Variants in LGR5 observed in about 807,000 individuals in gnomAD.
LGR5 encodes the protein leucine-rich repeat-containing G protein-coupled receptor 5.
In LGR5, 54 loss-of-function variants were observed where a neutral mutation model predicts 76.7. The observed-to-expected ratio is 0.70, with a 90% CI of 0.57 to 0.88. The LOEUF is 0.88. Ranked by LOEUF, LGR5 falls within the 40% of genes least tolerant of loss-of-function variation. The pLI is 0.00. For missense variants in LGR5, 1,078 were observed against 1,073.3 expected, an observed-to-expected ratio of 1.00 and a Z score of -0.06; for synonymous variants, 406 against 421.9, an observed-to-expected ratio of 0.96 and a Z score of 0.46.
chr12:71,468,757 C>G (rs1272260212), intron 1 of LGR5, among the ~76,000 whole-genome samples: 2 of 51,808 alleles, frequency 3.9e-5, no homozygotes, highest in Non-Finnish European at 3.6e-5. Flanking sequence ...GTTGAGTTTT[C>G]TCTTTCCTTC....
intron 13 of LGR5, 104 bp downstream of exon 13, chr12:71,573,025 T>C: frequency 2.6e-6 from 2 of 760,992 alleles, no homozygotes; most frequent in African/African-American, 1.8e-5. Context: ...GTGGTGGGAC[T>C]TTTGTGCATA....
intron 17 of LGR5, 155 bp downstream of exon 17, chr12:71,582,694 C>A: frequency 1.7e-6 from 1 of 579,204 alleles, no homozygotes; most frequent in Non-Finnish European, 3.1e-6. Flanking sequence ...TACAAATGTT[C>A]ATTCCCTGGA....
chr12:71,520,586 A>G (rs2137334067), intron 2 of LGR5, among the ~76,000 whole-genome samples: 1 of 152,278 alleles, frequency 6.6e-6, no homozygotes, highest in African/African-American at 2.4e-5. Context: ...ATGAAACTGG[A>G]AACCATCATT....
At chr12:71,445,254 T>C (rs1871935174) in intron 1 of LGR5, among the ~76,000 whole-genome samples, 1 of 152,206 alleles carries the variant, frequency 6.6e-6, no homozygotes, top group South Asian at 2.1e-4. Context: ...TTGCAATATT[T>C]TCCTTTATAG....
chr12:71,450,286 A>G lies in LGR5; in HGVS notation c.212+9994A>G, dbSNP rs1484715173. ...AGCCCGTTGTTTACACATGTTGTGT[A>G]TGTCCATATCTAGATATATACCTGA... On this transcript the variant is annotated intron_variant, in intron 1 of 17. Transcript: ENST00000266674. Among the ~76,000 whole-genome samples, 4 of 152,216 alleles carry G rather than the reference A, an allele frequency of 2.6e-5. No individual in the cohort carries two copies. The East Asian group carries it at 7.7e-4, about 29-fold the overall frequency.
rs1243502829 is a variant in LGR5 at position 71,584,439 on chromosome 12, C to T, written c.2429C>T (p.Pro810Leu). The change falls in exon 18 of 18, where the codon CCA becomes CTA. Residue 810 changes from proline (P) to leucine (L), a missense_variant. Transcript: ENST00000266674. ...VIKFILLVVV[P>L]LPACLNPLLY... ...AAGTTTATCCTTCTGGTGGTAGTCC[C>T]ACTTCCTGCATGTCTCAATCCCCTT... The T allele has an allele frequency of 6.2e-7, 1 of 1,613,944 alleles. No homozygotes were observed. The highest frequency in any genetic ancestry group is 8.5e-7 in the Non-Finnish European group (1 of 1,179,912).
At chr12:71,510,936 T>C (rs1201123879) in intron 2 of LGR5, among the ~76,000 whole-genome samples, 1 of 150,878 alleles carries the variant, frequency 6.6e-6, no homozygotes, top group East Asian at 2.0e-4. Context: ...TGGAGCAGAG[T>C]AAGAGAGAGG....
intron 1 of LGR5, among the ~76,000 whole-genome samples, chr12:71,495,577 A>G (rs1352821485): frequency 6.6e-6 from 1 of 151,272 alleles, no homozygotes; most frequent in Non-Finnish European, 1.5e-5. Context: ...TTACTTTAAC[A>G]TTTCTCATAA....
chr12:71,539,508 C>T (rs1876767942), intron 4 of LGR5, among the ~76,000 whole-genome samples: 1 of 152,154 alleles, frequency 6.6e-6, no homozygotes, highest in Non-Finnish European at 1.5e-5. Flanking sequence ...GTTGGAGTCT[C>T]ACTCTGTTGC....
intron 1 of LGR5, among the ~76,000 whole-genome samples, chr12:71,450,994 C>T (rs897351745): frequency 5.3e-5 from 8 of 152,146 alleles, no homozygotes; most frequent in Admixed American, 3.9e-4. Context: ...TGCTGCCAAT[C>T]CCCCCTCCCT....
At chr12:71,450,870 G>T (rs756183308) in intron 1 of LGR5, among the ~76,000 whole-genome samples, 1 of 152,098 alleles carries the variant, frequency 6.6e-6, no homozygotes, top group African/African-American at 2.4e-5. Flanking sequence ...CTCTGGTCAT[G>T]TCTTACCTAT....
chr12:71,584,313 T>G lies in LGR5; in HGVS notation c.2303T>G (p.Ile768Ser), dbSNP rs1879227205. ...NIWDCSMVKH[I>S]ALLLFTNCIL... is the part of the protein sequence containing the mutation. ...TGGGACTGCTCTATGGTAAAACACA[T>G]TGCCCTGTTGCTCTTCACCAACTGC... Residue 768 changes from isoleucine (I) to serine (S), a missense_variant, in exon 18 of 18, where the codon ATT becomes AGT. Transcript: ENST00000266674. The G allele has an allele frequency of 4.3e-6, 7 of 1,614,082 alleles. No individual in the cohort carries two copies. In the South Asian group the frequency reaches 7.7e-5, roughly 18 times the overall value.
At chr12:71,513,807 G>C (rs1328157821) in intron 2 of LGR5, among the ~76,000 whole-genome samples, 4 of 152,212 alleles carry the variant, frequency 2.6e-5, no homozygotes, top group Non-Finnish European at 5.9e-5. Context: ...GCTGTTTCTA[G>C]TCTGGTTTTG....
At chr12:71,496,922 G>GGGGAGCAATGAATGGAA (rs1280813388) in intron 1 of LGR5, among the ~76,000 whole-genome samples, 1 of 152,178 alleles carries the variant, frequency 6.6e-6, no homozygotes, top group Non-Finnish European at 1.5e-5. Flanking sequence ...TACTTTTGGT[G>GGGGAGCAATGAATGGAA]GGGAGCAATG....
intron 4 of LGR5, among the ~76,000 whole-genome samples, chr12:71,537,599 G>A (rs1185250403): frequency 2.0e-5 from 3 of 152,204 alleles, no homozygotes; most frequent in African/African-American, 7.2e-5. Flanking sequence ...AGGCCAGTTT[G>A]GAGGTTTAGG....
chr12:71,440,366 G>A lies in LGR5; in HGVS notation c.212+74G>A. 2.1e-6 allele frequency: 3 copies of A among 1,440,944 alleles called. No individual in the cohort carries two copies. The highest frequency in any genetic ancestry group is 2.9e-6 in the Non-Finnish European group (3 of 1,046,722). 89.3% of individuals were successfully genotyped at this position (1,440,944 alleles called of 1,614,324 possible). On this transcript the variant is annotated intron_variant, in intron 1 of 17. Transcript: ENST00000266674. The surrounding 1 kb of genome is among the most constrained non-coding windows in gnomAD (Gnocchi z 5.3). ...AAGGTTCGTCCAAGGCGAGGCTGGAGGCTCCTCGGCGCCCGCCTGCTCGTG... is the reference window on the plus strand; with the variant it reads ...AAGGTTCGTCCAAGGCGAGGCTGGAAGCTCCTCGGCGCCCGCCTGCTCGTG...
chr12:71,549,382 A>T (rs114740719), intron 4 of LGR5, among the ~76,000 whole-genome samples: 267 of 152,340 alleles, frequency 1.8e-3, no homozygotes, highest in African/African-American at 6.0e-3. Context: ...ATTGTATGGC[A>T]TGGTGACTAC....
At chr12:71,503,847 T>G (rs1263846379) in intron 1 of LGR5, among the ~76,000 whole-genome samples, 2 of 152,074 alleles carry the variant, frequency 1.3e-5, no homozygotes, top group Non-Finnish European at 2.9e-5. Context: ...CATATACCCA[T>G]GATGCTGTGG....
intron 3 of LGR5, among the ~76,000 whole-genome samples, chr12:71,528,007 C>T (rs897581638): frequency 5.9e-5 from 9 of 152,154 alleles, no homozygotes; most frequent in South Asian, 4.1e-4. Context: ...TGTATTGAAA[C>T]GTTTTATAAG....
Sources: allele counts gnomAD v4.1 joint callset (sites outside exome capture counted in the v4.1 genomes callset), GRCh38; gene constraint gnomAD v4.1.1; non-coding constraint Gnocchi (gnomAD v3.1); transcripts MANE v1.5; gene names NCBI Gene and HGNC (gene_info 2026-07-23, HGNC 2026-07-21).